ABCB5: variants seen among roughly 807,000 people sequenced by gnomAD.
ABCB5 encodes ATP-binding cassette sub-family B member 5.
A neutral mutation model predicts 144.2 loss-of-function variants in ABCB5; 155 were observed. The ratio of observed to expected loss-of-function variants is 1.08; its 90% CI spans 0.94 to 1.23. The LOEUF (loss-of-function observed/expected upper bound fraction) is 1.23, where lower values mean the gene tolerates loss of function less well. Among genes scored for constraint, ABCB5 ranks in the 50% most tolerant of loss-of-function variants. The pLI is 0.00. For missense variants in ABCB5, 1,830 were observed against 1,520.8 expected (o/e 1.20, Z -3.38); for synonymous variants, 610 against 528.6 (o/e 1.15, Z -2.11).
intron 5 of ABCB5, 45 bp from the exon 6 acceptor site, chr7:20,643,139 A>T: frequency 6.7e-7 from 1 of 1,497,626 alleles, no homozygotes; most frequent in Non-Finnish European, 9.1e-7. Flanking sequence ...GTAACAAGAT[A>T]AAAATGTTGT....
At chr7:20,735,076 G>A (rs1184725785) in intron 23 of ABCB5, among the ~76,000 whole-genome samples, 1 of 152,114 alleles carries the variant, frequency 6.6e-6, no homozygotes, top group Non-Finnish European at 1.5e-5. Context: ...ATCTCTGTGA[G>A]TTTCTTCCAT....
chr7:20,668,452 C>A (rs1287627000), intron 14 of ABCB5, among the ~76,000 whole-genome samples: 1 of 151,722 alleles, frequency 6.6e-6, no homozygotes, highest in Non-Finnish European at 1.5e-5. Context: ...TGCCCGGCCG[C>A]CCCGTCTGAG....
intron 1 of ABCB5, among the ~76,000 whole-genome samples, chr7:20,622,811 T>C (rs745490169): frequency 1.3e-5 from 2 of 152,106 alleles, no homozygotes; most frequent in Non-Finnish European, 2.9e-5. Context: ...CCAAACTTTG[T>C]TTGTTTCGTA....
chr7:20,689,518 G>C (rs1335481761), intron 16 of ABCB5, among the ~76,000 whole-genome samples: 1 of 152,178 alleles, frequency 6.6e-6, no homozygotes, highest in Non-Finnish European at 1.5e-5. Context: ...GGAGGGTGCA[G>C]GCATTAGTGA....
At chr7:20,736,547 T>C (rs1782384312) in intron 23 of ABCB5, among the ~76,000 whole-genome samples, 1 of 152,152 alleles carries the variant, frequency 6.6e-6, no homozygotes, top group African/African-American at 2.4e-5. Context: ...TTTGTCATGA[T>C]ACCAAATTAC....
intron 23 of ABCB5, 64 bp from the exon 24 acceptor site, chr7:20,738,919 T>TA: frequency 1.4e-6 from 2 of 1,471,336 alleles, no homozygotes; most frequent in African/African-American, 2.9e-5. Flanking sequence ...TCTTTACTTT[T>TA]AGAGTTCTAC....
intron 20 of ABCB5, among the ~76,000 whole-genome samples, chr7:20,712,063 C>G (rs1413357467): frequency 7.0e-6 from 1 of 143,048 alleles, no homozygotes; most frequent in Admixed American, 7.0e-5. Context: ...CACAGTGAAA[C>G]CCCATCTCTA....
chr7:20,746,384 C>T (rs1056412365), intron 26 of ABCB5, among the ~76,000 whole-genome samples: 1 of 152,244 alleles, frequency 6.6e-6, no homozygotes, highest in Admixed American at 6.5e-5. Flanking sequence ...AGGCGTGAGC[C>T]ATCGCGCCCG....
chr7:20,664,159 C>T (rs75327204), intron 14 of ABCB5, among the ~76,000 whole-genome samples: 2,132 of 152,082 alleles, frequency 0.014, 46 homozygotes, highest in African/African-American at 0.048. Context: ...TCAGAAGGAT[C>T]ATACCCTTTA....
intron 20 of ABCB5, among the ~76,000 whole-genome samples, chr7:20,711,080 C>T (rs1787010166): frequency 1.3e-5 from 2 of 149,922 alleles, no homozygotes; most frequent in South Asian, 4.3e-4. Context: ...CTTCCATTTT[C>T]CCCTCCAAAT....
chr7:20,699,609 G>A lies in ABCB5; in HGVS notation c.2155-216G>A, dbSNP rs970687319. Among the ~76,000 whole-genome samples the A allele has an allele frequency of 2.0e-5, 3 of 151,998 alleles. No homozygotes were observed. In the East Asian group the frequency reaches 5.8e-4, roughly 29 times the overall value. ...CCAGCTACTCGGGAGGCTGAGGCATGAGAATCACTTGAACCTGGGAGGCAG... is the reference window on the plus strand; with the variant it reads ...CCAGCTACTCGGGAGGCTGAGGCATAAGAATCACTTGAACCTGGGAGGCAG... On this transcript the variant is annotated intron_variant, in intron 17 of 27. Coordinates refer to ENST00000404938, the MANE Select transcript of ABCB5 (RefSeq NM_001163941.2).
At position 20,755,692 on chromosome 7, in the gene ABCB5, G is replaced by A; in HGVS notation, c.*68G>A. ...AGAAGGAGTACTTAATAATTACTTG[G>A]CAAGCTTTGATCTCTTTTATTGCAT... On this transcript the variant is annotated 3_prime_UTR_variant, in exon 28 of 28. Coordinates refer to ENST00000404938, the MANE Select transcript of ABCB5 (RefSeq NM_001163941.2). 2 of 1,456,964 alleles carry A rather than the reference G, an allele frequency of 1.4e-6. No homozygotes were observed. The highest frequency in any genetic ancestry group is 1.9e-6 in the Non-Finnish European group (2 of 1,052,552). The allele number at this position is 1,456,964 out of a possible 1,614,324, so 90.3% of individuals were successfully genotyped here.
intron 20 of ABCB5, among the ~76,000 whole-genome samples, chr7:20,707,820 T>C (rs1786870160): frequency 6.9e-6 from 1 of 145,778 alleles, no homozygotes; most frequent in Admixed American, 7.0e-5. Flanking sequence ...TTTTTTTTTT[T>C]TTTGAGACGG....
intron 16 of ABCB5, among the ~76,000 whole-genome samples, chr7:20,695,620 T>G (rs1223283180): frequency 6.6e-6 from 1 of 151,384 alleles, no homozygotes; most frequent in Non-Finnish European, 1.5e-5. Context: ...TCAAAGAAAA[T>G]GAAAAGGATA....
At chr7:20,705,570 G>A (rs1425963011) in intron 20 of ABCB5, among the ~76,000 whole-genome samples, 1 of 152,128 alleles carries the variant, frequency 6.6e-6, no homozygotes, top group Non-Finnish European at 1.5e-5. Context: ...AAAAATTCTA[G>A]TAGAGTTATA....
intron 15 of ABCB5, among the ~76,000 whole-genome samples, 197 bp from the exon 16 acceptor site, chr7:20,685,499 T>A (rs1583424787): frequency 1.3e-5 from 2 of 152,214 alleles, no homozygotes; most frequent in Non-Finnish European, 2.9e-5. Flanking sequence ...CAATGAGCTA[T>A]TGTCAGTCAC....
At chr7:20,703,482 T>C (rs987774988) in intron 19 of ABCB5, among the ~76,000 whole-genome samples, 2 of 152,224 alleles carry the variant, frequency 1.3e-5, no homozygotes, top group Admixed American at 6.5e-5. Context: ...GCCTGGCTCC[T>C]ACCATATTCC....
intron 20 of ABCB5, among the ~76,000 whole-genome samples, chr7:20,714,330 A>G (rs894384214): frequency 1.3e-5 from 2 of 151,656 alleles, no homozygotes; most frequent in African/African-American, 4.9e-5. Context: ...ATTAAACAAG[A>G]CTTTTTGTTC....
At position 20,756,741 on chromosome 7, in the gene ABCB5, T is replaced by C. The variant is rs999196200; in HGVS notation, c.*1117T>C. On this transcript the variant is annotated 3_prime_UTR_variant, in exon 28 of 28. Coordinates refer to ENST00000404938, the MANE Select transcript of ABCB5 (RefSeq NM_001163941.2). ...TTCCTTAAATTTTATATATACTTTA[T>C]CATATATAATGTGTGAATGATTTTA... 6.6e-6 allele frequency: 1 copy of C among 152,192 alleles called. No individual in the cohort carries two copies. Among genetic ancestry groups the C allele is most frequent in the Non-Finnish European group, 1.5e-5 (1 of 68,030 alleles). 9.4% of individuals were successfully genotyped at this position (152,192 alleles called of 1,614,324 possible). A position where few individuals can be genotyped will look rare whatever the true frequency, so the allele number is the denominator to read the frequency against.
Sources: gnomAD v4.1 joint callset for allele counts (sites outside exome capture counted in the v4.1 genomes callset) on GRCh38, gnomAD v4.1.1 for gene constraint, MANE v1.5 for transcripts, NCBI Gene and HGNC (gene_info 2026-07-23, HGNC 2026-07-21) for gene names.